The following PDE1C variants were observed in gnomAD, a reference collection of about 807,000 sequenced individuals.
PDE1C encodes dual specificity calcium/calmodulin-dependent 3',5'-cyclic nucleotide phosphodiesterase 1C.
PDE1C carries 62 observed loss-of-function variants against 93.1 expected under a neutral mutation model. The ratio of observed to expected loss-of-function variants is 0.67; its 90% CI spans 0.54 to 0.82. PDE1C has a LOEUF of 0.82. Ranked by LOEUF, PDE1C falls within the 40% of genes least tolerant of loss-of-function variation. The probability of loss-of-function intolerance (pLI) is 0.00; values close to 1 mark genes in which losing one functional copy is unlikely to be tolerated. For missense variants in PDE1C, 742 were observed against 884.6 expected (o/e 0.84, Z 2.04); for synonymous variants, 325 against 310.1 (o/e 1.05, Z -0.50).
chr7:32,043,467 C>A (rs1792117642), intron 2 of PDE1C, among the ~76,000 whole-genome samples: 1 of 152,202 alleles, frequency 6.6e-6, no homozygotes, highest in Non-Finnish European at 1.5e-5. Flanking sequence ...CCTGAAAATG[C>A]ACTTCGGTCT....
Position 32,321,018 on chromosome 7 carries a change from C to T in PDE1C, c.310+106804G>A, listed in dbSNP as rs145259524. On this transcript the variant is annotated intron_variant, in intron 1 of 1. Coordinates refer to the PDE1C transcript ENST00000672256. ...CACCAATTTTGGAATGGGGAGAGAA[C>T]GAAGGTGAATCTCACAATCCAATCC... Among the ~76,000 whole-genome samples the T allele has an allele frequency of 3.0e-3, 459 of 152,298 alleles. 3 individuals are homozygous for T. The highest frequency in any genetic ancestry group is 0.01 in the African/African-American group (424 of 41,574).
the PDE1C span, among the ~76,000 whole-genome samples, chr7:31,672,017 C>T: frequency 5.8e-4 from 89 of 152,252 alleles, 1 homozygote; most frequent in African/African-American, 2.0e-3. Context: ...TGTGAAAACC[C>T]CATTTGGGAA....
At position 31,752,464 on chromosome 7, in the gene PDE1C, T is replaced by C. The variant is rs576058366; in HGVS notation, c.*920A>G. On this transcript the variant is annotated 3_prime_UTR_variant, in exon 18 of 18. Coordinates refer to ENST00000396191, the MANE Select transcript of PDE1C (RefSeq NM_001191057.4). ...ACTTAAAGGCATCTCTAGCCTAGTTTAAATTCTTTATTTTCAGTCCAGAAC... is the reference window on the plus strand; with the variant it reads ...ACTTAAAGGCATCTCTAGCCTAGTTCAAATTCTTTATTTTCAGTCCAGAAC... 1.1e-4 allele frequency: 16 copies of C among 152,164 alleles called. No homozygotes were observed. Among genetic ancestry groups the C allele is most frequent in the African/African-American group, 3.6e-4 (15 of 41,554 alleles). The allele number at this position is 152,164 out of a possible 1,614,324, so 9.4% of individuals were successfully genotyped here. A position where few individuals can be genotyped will look rare whatever the true frequency, so the allele number is the denominator to read the frequency against.
intron 1 of PDE1C, among the ~76,000 whole-genome samples, chr7:32,426,029 A>G (rs961561791): frequency 5.3e-5 from 8 of 152,200 alleles, no homozygotes; most frequent in African/African-American, 1.9e-4. Flanking sequence ...AATTGAACTG[A>G]TATCTCCCAC....
intron 1 of PDE1C, chr7:32,052,346 C>T (rs1793502017): frequency 8.4e-6 from 4 of 475,284 alleles, no homozygotes; most frequent in South Asian, 6.1e-5. Context: ...GTAACATCTG[C>T]TCTGACCATC....
At chr7:32,238,921 A>G (rs1397335397) in intron 1 of PDE1C, among the ~76,000 whole-genome samples, 4 of 152,322 alleles carry the variant, frequency 2.6e-5, no homozygotes, top group Admixed American at 2.6e-4. Flanking sequence ...GACTCAGACC[A>G]TAAAGGAAAG....
chr7:32,173,281 T>C (rs1196640658), intron 2 of PDE1C, among the ~76,000 whole-genome samples: 1 of 152,016 alleles, frequency 6.6e-6, no homozygotes, highest in Non-Finnish European at 1.5e-5. Flanking sequence ...AAACACTGCA[T>C]CTTCTCATTC....
rs1014902985 is a variant in PDE1C at position 32,185,249 on chromosome 7, A to G, written c.137-15293T>C. Reference sequence around the variant, plus strand: ...AACAAGAGCAAAACTCTGTCTCAGAAAAAAAAAAAAAAAAAAAAAAAATTA... The same window carrying G: ...AACAAGAGCAAAACTCTGTCTCAGAGAAAAAAAAAAAAAAAAAAAAAATTA... On this transcript the variant is annotated intron_variant, in intron 2 of 18. Transcript: ENST00000396193. Among the ~76,000 whole-genome samples the G allele has an allele frequency of 3.1e-4, 15 of 47,796 alleles. No individual in the cohort carries two copies. The East Asian group carries it at 0.031, about 100-fold the overall frequency. The allele number at this position is 47,796 out of a possible 152,430, so 31.4% of individuals were successfully genotyped here.
intron 2 of PDE1C, among the ~76,000 whole-genome samples, chr7:31,889,844 A>G (rs1314949856): frequency 6.6e-6 from 1 of 152,198 alleles, no homozygotes; most frequent in Non-Finnish European, 1.5e-5. Context: ...GTTCCTTTGC[A>G]CTTCTTATCA....
chr7:32,139,300 CT>C (rs34277412), intron 3 of PDE1C, among the ~76,000 whole-genome samples: 17,624 of 82,706 alleles, frequency 0.21, 518 homozygotes, highest in East Asian at 0.33. Context: ...CAAAATCAAC[CT>C]TTTTTTTTTT....
At chr7:32,020,898 G>A (rs1788574908) in intron 2 of PDE1C, among the ~76,000 whole-genome samples, 1 of 152,124 alleles carries the variant, frequency 6.6e-6, no homozygotes, top group Non-Finnish European at 1.5e-5. Flanking sequence ...CCCTCAGTCT[G>A]GTAACACTCT....
intron 3 of PDE1C, among the ~76,000 whole-genome samples, chr7:32,098,246 A>AAAAAAAAAAAAAAAAAAAT: frequency 6.8e-6 from 1 of 146,956 alleles, no homozygotes; most frequent in Non-Finnish European, 1.5e-5. Flanking sequence ...AAAAAAAAAA[A>AAAAAAAAAAAAAAAAAAAT]AGACATAAAT....
intron 2 of PDE1C, among the ~76,000 whole-genome samples, chr7:31,986,929 A>AACACACAC (rs10551724): frequency 1.3e-5 from 2 of 149,792 alleles, no homozygotes; most frequent in African/African-American, 4.9e-5. Flanking sequence ...ATTGAACACG[A>AACACACAC]ACACACACAC....
intron 7 of PDE1C, among the ~76,000 whole-genome samples, chr7:31,856,187 T>G (rs1004694556): frequency 6.6e-6 from 1 of 152,224 alleles, no homozygotes; most frequent in Non-Finnish European, 1.5e-5. Context: ...TGAAATGATT[T>G]AAAGCGTTTT....
chr7:32,115,077 C>G (rs1798911542), intron 3 of PDE1C, among the ~76,000 whole-genome samples: 1 of 152,080 alleles, frequency 6.6e-6, no homozygotes, highest in Non-Finnish European at 1.5e-5. Flanking sequence ...GGATCTAGAA[C>G]CAGAAATACC....
chr7:31,651,168 G>A, the PDE1C span: 2 of 1,613,508 alleles, frequency 1.2e-6, no homozygotes, highest in Non-Finnish European at 1.7e-6. Flanking sequence ...TGGAAGCCAT[G>A]AAGACGATAT....
chr7:32,176,043 C>T (rs1054515816), intron 2 of PDE1C, among the ~76,000 whole-genome samples: 2 of 152,152 alleles, frequency 1.3e-5, no homozygotes, highest in Non-Finnish European at 2.9e-5. Flanking sequence ...GTTTATTCAT[C>T]AATGTGTTGA....
intron 9 of PDE1C, among the ~76,000 whole-genome samples, chr7:31,841,227 C>CTCTCTCTCTCTCTCTA (rs751320538): frequency 7.2e-4 from 103 of 142,284 alleles, no homozygotes; most frequent in African/African-American, 1.9e-3. Flanking sequence ...CTCTCTCTCT[C>CTCTCTCTCTCTCTCTA]TATATATATA....
At position 32,137,525 on chromosome 7, in the gene PDE1C, C is replaced by T. The variant is rs746301611; in HGVS notation, c.308+32260G>A. Among the ~76,000 whole-genome samples, 190 of 152,140 alleles carry T rather than the reference C, an allele frequency of 1.2e-3. 1 individual carries two copies. Among genetic ancestry groups the T allele is most frequent in the Admixed American group, 1.8e-3 (28 of 15,268 alleles). On this transcript the variant is annotated intron_variant, in intron 3 of 18. Coordinates refer to the PDE1C transcript ENST00000396193. Reference sequence around the variant, plus strand: ...AAAGCCCTAAAATAAAATAATCAACCTGATGGGGAATGGTCTCATCGCCAC... The same window carrying T: ...AAAGCCCTAAAATAAAATAATCAACTTGATGGGGAATGGTCTCATCGCCAC...
Sources: allele counts gnomAD v4.1 joint callset (sites outside exome capture counted in the v4.1 genomes callset), GRCh38; gene constraint gnomAD v4.1.1; transcripts MANE v1.5; gene names NCBI Gene and HGNC (gene_info 2026-07-23, HGNC 2026-07-21).